The following CPQ variants were observed in gnomAD, a reference collection of about 807,000 sequenced individuals.
CPQ encodes the protein Ser-Met dipeptidase.
A neutral mutation model predicts 45.7 loss-of-function variants in CPQ; 37 were observed. The observed-to-expected ratio is 0.81, with a 90% CI of 0.62 to 1.07. The LOEUF (loss-of-function observed/expected upper bound fraction) is 1.07. CPQ is among the 50% of genes least tolerant of loss of function. The pLI, the probability that CPQ is intolerant of heterozygous loss-of-function variation, is 0.00. For synonymous variants in CPQ, 186 were observed against 205.8 expected (o/e 0.90, Z 0.82); for missense variants, 537 against 572.9 (o/e 0.94, Z 0.64).
At chr8:97,045,083 C>G (rs902867974) in intron 6 of CPQ, among the ~76,000 whole-genome samples, 2 of 152,198 alleles carry the variant, frequency 1.3e-5, no homozygotes, top group Admixed American at 6.5e-5. Flanking sequence ...GTGCCCTGCC[C>G]CCAGAGGTGG....
At chr8:96,679,456 TCC>T (rs1246450762) in intron 1 of CPQ, among the ~76,000 whole-genome samples, 1 of 152,168 alleles carries the variant, frequency 6.6e-6, no homozygotes, top group Non-Finnish European at 1.5e-5. Context: ...TAGGAATAAT[TCC>T]CTCTTCTCCA....
rs375731951 is a variant in CPQ at position 96,996,460 on chromosome 8, T to C, written c.961+30414T>C. Among the ~76,000 whole-genome samples, 11 of 152,156 alleles carry C rather than the reference T, an allele frequency of 7.2e-5. No individual in the cohort carries two copies. The East Asian group carries it at 1.5e-3, about 21-fold the overall frequency. On this transcript the variant is annotated intron_variant, in intron 5 of 7. Coordinates refer to ENST00000220763, the MANE Select transcript of CPQ (RefSeq NM_016134.4). ...CAAAGTGTTTATTATTTCATGATTC[T>C]CTGCTTAATAAGTACCAAGGTTCAG...
At chr8:96,660,257 G>A (rs964225970) in intron 1 of CPQ, among the ~76,000 whole-genome samples, 3 of 152,056 alleles carry the variant, frequency 2.0e-5, no homozygotes, top group Non-Finnish European at 1.5e-5. Context: ...ATCTTTTCTC[G>A]AGGTACTTAC....
At chr8:96,850,608 A>G (rs1044819997) in intron 3 of CPQ, among the ~76,000 whole-genome samples, 22 of 147,026 alleles carry the variant, frequency 1.5e-4, no homozygotes, top group Admixed American at 1.1e-3. Context: ...TTATTTATTT[A>G]TTTATTTATT....
intron 1 of CPQ, among the ~76,000 whole-genome samples, chr8:96,704,453 C>T (rs112469501): frequency 0.024 from 3,649 of 152,080 alleles, 160 homozygotes; most frequent in African/African-American, 0.083. Flanking sequence ...TTAGTATGGA[C>T]AATCAGGAAT....
At chr8:96,771,091 TTATA>T (rs539315302) in intron 1 of CPQ, among the ~76,000 whole-genome samples, 25 of 144,098 alleles carry the variant, frequency 1.7e-4, no homozygotes, top group African/African-American at 6.4e-4. Context: ...TATATATATA[TTATA>T]TATATATAAA....
chr8:96,916,170 A>G (rs974303369), intron 4 of CPQ, among the ~76,000 whole-genome samples: 11 of 152,070 alleles, frequency 7.2e-5, no homozygotes, highest in Admixed American at 7.2e-4. Context: ...TCTTGCCAAT[A>G]CATCTTTTAA....
At chr8:96,734,828 C>T (rs1809959932) in intron 1 of CPQ, among the ~76,000 whole-genome samples, 1 of 152,102 alleles carries the variant, frequency 6.6e-6, no homozygotes, top group Non-Finnish European at 1.5e-5. Flanking sequence ...CTATGGTGAC[C>T]TACAAGGTCT....
At position 96,741,547 on chromosome 8, in the gene CPQ, A is replaced by G. The variant is rs1019129976; in HGVS notation, c.-34-43317A>G. 4.8e-3 allele frequency among the ~76,000 whole-genome samples: 720 copies of G among 151,318 alleles called. 11 individuals are homozygous for G. The highest frequency in any genetic ancestry group is 0.012 in the African/African-American group (508 of 41,268). ...GAATGTGTTTGTTGTTGCTTTTCTA[A>G]TTCTTTTAATTGTGATGTTAGGGTG... On this transcript the variant is annotated intron_variant, in intron 1 of 7. Transcript: ENST00000220763.
intron 1 of CPQ, among the ~76,000 whole-genome samples, chr8:96,699,751 A>G (rs1324587651): frequency 2.0e-5 from 3 of 152,124 alleles, no homozygotes; most frequent in East Asian, 3.9e-4. Context: ...AGAGACATCA[A>G]GCACACCTAT....
intron 3 of CPQ, among the ~76,000 whole-genome samples, chr8:96,858,945 C>T (rs1228287582): frequency 6.6e-6 from 1 of 152,106 alleles, no homozygotes; most frequent in Non-Finnish European, 1.5e-5. Flanking sequence ...TCTAACAACT[C>T]AGCTGCCAAA....
At chr8:97,056,053 C>T (rs569095421) in intron 6 of CPQ, among the ~76,000 whole-genome samples, 21 of 152,148 alleles carry the variant, frequency 1.4e-4, no homozygotes, top group African/African-American at 4.8e-4. Flanking sequence ...GAGCCAAGAT[C>T]ATGCCACTGC....
chr8:96,742,421 CTT>C (rs1810106009), intron 1 of CPQ, among the ~76,000 whole-genome samples: 1 of 152,146 alleles, frequency 6.6e-6, no homozygotes. Flanking sequence ...GGTCTTGACT[CTT>C]TATCCAATTT....
intron 2 of CPQ, among the ~76,000 whole-genome samples, chr8:96,830,531 C>A (rs1811441905): frequency 6.6e-6 from 1 of 151,964 alleles, no homozygotes; most frequent in Admixed American, 6.6e-5. Context: ...TAGAAAGGAA[C>A]CTGAGGATTT....
intron 1 of CPQ, among the ~76,000 whole-genome samples, chr8:96,778,150 TA>T (rs1810640638): frequency 6.6e-6 from 1 of 152,064 alleles, no homozygotes; most frequent in Admixed American, 6.6e-5. Flanking sequence ...TTATAAATTA[TA>T]TATCAGATTA....
intron 1 of CPQ, among the ~76,000 whole-genome samples, chr8:96,671,053 T>G (rs1038458123): frequency 3.9e-5 from 6 of 152,178 alleles, no homozygotes; most frequent in African/African-American, 1.4e-4. Flanking sequence ...AAAGTTTACA[T>G]AGGATCTCTC....
intron 1 of CPQ, among the ~76,000 whole-genome samples, chr8:96,653,312 G>C (rs368780568): frequency 1.3e-5 from 2 of 151,982 alleles, no homozygotes; most frequent in South Asian, 4.1e-4. Flanking sequence ...GCATTTCTTT[G>C]ATAATTAATG....
chr8:96,992,095 C>A (rs187975198), intron 5 of CPQ, among the ~76,000 whole-genome samples: 1 of 152,302 alleles, frequency 6.6e-6, no homozygotes, highest in East Asian at 1.9e-4. Context: ...AGCAAGGTGA[C>A]CTTCTCTGCT....
chr8:96,672,890 CA>C (rs748077935), intron 1 of CPQ, among the ~76,000 whole-genome samples: 3 of 151,952 alleles, frequency 2.0e-5, no homozygotes, highest in Non-Finnish European at 2.9e-5. Context: ...GGGTTTGTTA[CA>C]TGCATATAGT....
Sources: gnomAD v4.1 joint callset for allele counts (sites outside exome capture counted in the v4.1 genomes callset) on GRCh38, gnomAD v4.1.1 for gene constraint, MANE v1.5 for transcripts, NCBI Gene and HGNC (gene_info 2026-07-23, HGNC 2026-07-21) for gene names.